The following SYT4 variants were observed in gnomAD, a reference collection of about 807,000 sequenced individuals.
SYT4 encodes the protein synaptotagmin 4.
In SYT4, 7 loss-of-function variants were observed where a neutral mutation model predicts 32.9. The ratio of observed to expected loss-of-function variants is 0.21; its 90% confidence interval spans 0.12 to 0.40. SYT4 has a LOEUF of 0.40. SYT4 is among the 10% of genes least tolerant of loss of function. The pLI, the probability that SYT4 is intolerant of heterozygous loss-of-function variation, is 1.00. For synonymous variants in SYT4, 205 were observed against 186.2 expected (o/e 1.10, Z -0.82); for missense variants, 480 against 488.0 (o/e 0.98, Z 0.16).
chr18:43,277,126 C>A, intron 1 of SYT4, 122 bp downstream of exon 1: 1 of 1,218,486 alleles, frequency 8.2e-7, no homozygotes, highest in South Asian at 1.5e-5. Context: ...TTCTCATTTT[C>A]CTTTTAAATT....
At chr18:43,276,500 T>G (rs1205890912) in intron 1 of SYT4, among the ~76,000 whole-genome samples, 2 of 152,180 alleles carry the variant, frequency 1.3e-5, no homozygotes, top group Non-Finnish European at 2.9e-5. Context: ...GTACGTCTAA[T>G]TTTATGTACT....
In SYT4 at chr18:43,274,434, A is replaced by G. The variant is rs201025139; in HGVS notation, c.35-40T>C. The G allele has an allele frequency of 2.8e-5, 42 of 1,489,560 alleles. No individual in the cohort carries two copies. The East Asian group carries it at 9.1e-4, about 32-fold the overall frequency. The allele number at this position is 1,489,560 out of a possible 1,614,324, so 92.3% of individuals were successfully genotyped here. A position where few individuals can be genotyped will look rare whatever the true frequency, so the allele number is the denominator to read the frequency against. ...GACCAATAATATACATTAAAGAAGC[A>G]GAGCTGGAGATATGAGCCTTTTGAA... On this transcript the variant is annotated intron_variant, in intron 1 of 3. Coordinates refer to ENST00000255224, the MANE Select transcript of SYT4 (RefSeq NM_020783.4).
rs1373125888 is a variant in SYT4, at chr18:43,274,755, TA to T, written c.35-362del. 5.3e-5 allele frequency among the ~76,000 whole-genome samples: 8 copies of T among 152,300 alleles called. No homozygotes were observed. The East Asian group carries it at 1.5e-3, about 29-fold the overall frequency. Reference sequence around the variant, plus strand: ...TATGATGGATCAGTACTAACTTCATTATTTTTTATTGTCATTTTGAGGCTTT... The same window carrying T: ...TATGATGGATCAGTACTAACTTCATTTTTTTTATTGTCATTTTGAGGCTTT... On this transcript the variant is annotated intron_variant, in intron 1 of 3. Transcript: ENST00000255224.
intron 3 of SYT4, 84 bp from the exon 4 acceptor site, chr18:43,270,732 G>A (rs1256721592): frequency 5.7e-5 from 82 of 1,441,242 alleles, no homozygotes; most frequent in Non-Finnish European, 7.5e-5. Flanking sequence ...TAGAGATCAT[G>A]GCATGCCAAT....
At chr18:43,276,102 G>T (rs1351365329) in intron 1 of SYT4, among the ~76,000 whole-genome samples, 1 of 152,064 alleles carries the variant, frequency 6.6e-6, no homozygotes, top group Non-Finnish European at 1.5e-5. Flanking sequence ...AATCATTCAG[G>T]TTTCAAATGA....
chr18:43,276,251 G>T (rs868760645), intron 1 of SYT4, among the ~76,000 whole-genome samples: 4 of 152,062 alleles, frequency 2.6e-5, no homozygotes, highest in African/African-American at 4.8e-5. Context: ...TTTCTATAAC[G>T]TGGAAACACT....
rs1908508596 is a variant in SYT4 at position 43,268,093 on chromosome 18, A to C, written c.*2248T>G. ...TATACCTCCCCATTTGGGTGGTGAG[A>C]TTGGCTAATCAGACAAACAATTAAT... On this transcript the variant is annotated 3_prime_UTR_variant, in exon 4 of 4. Transcript: ENST00000255224. 6.6e-6 allele frequency: 1 copy of C among 152,592 alleles called. No homozygotes were observed. Among genetic ancestry groups the C allele is most frequent in the Admixed American group, 6.5e-5 (1 of 15,268 alleles). The allele number at this position is 152,592 out of a possible 1,614,324, so 9.5% of individuals were successfully genotyped here.
chr18:43,270,708 G>A, intron 3 of SYT4, 60 bp from the exon 4 acceptor site: 1 of 1,563,598 alleles, frequency 6.4e-7, no homozygotes, highest in Admixed American at 1.7e-5. Flanking sequence ...CTGATATCAA[G>A]ATAACAGTGC....
chr18:43,276,687 T>C (rs187071551), intron 1 of SYT4, among the ~76,000 whole-genome samples: 17 of 152,274 alleles, frequency 1.1e-4, no homozygotes, highest in African/African-American at 4.1e-4. Flanking sequence ...TTTGAAACTC[T>C]CTTTAACCCT....
At chr18:43,272,384 C>T (rs1908657955) in intron 2 of SYT4, among the ~76,000 whole-genome samples, 1 of 152,132 alleles carries the variant, frequency 6.6e-6, no homozygotes, top group Non-Finnish European at 1.5e-5. Flanking sequence ...AGTTAAAATT[C>T]TCTGCCTCTT....
At chr18:43,277,132 A>T in intron 1 of SYT4, 116 bp downstream of exon 1, 1 of 1,282,006 alleles carries the variant, frequency 7.8e-7, no homozygotes, top group South Asian at 1.5e-5. Flanking sequence ...TTTTCCTTTT[A>T]AATTAACTAC....
rs868753719 is a variant in SYT4, at chr18:43,267,954, C to A, written c.*2387G>T. On this transcript the variant is annotated 3_prime_UTR_variant, in exon 4 of 4. Coordinates refer to ENST00000255224, the MANE Select transcript of SYT4 (RefSeq NM_020783.4). ...ATGGTCTTACAAACATCATACAGAG[C>A]TGGCACAAAAGAACAGACACTGTCT... 6.6e-6 allele frequency: 1 copy of A among 152,310 alleles called. No homozygotes were observed. The highest frequency in any genetic ancestry group is 2.1e-4 in the South Asian group (1 of 4,830). The allele number at this position is 152,310 out of a possible 1,614,324, so 9.4% of individuals were successfully genotyped here.
At chr18:43,274,932 C>T (rs1812855361) in intron 1 of SYT4, among the ~76,000 whole-genome samples, 1 of 151,962 alleles carries the variant, frequency 6.6e-6, no homozygotes, top group Non-Finnish European at 1.5e-5. Flanking sequence ...TAATTTTCAT[C>T]CCAATTATGG....
intron 3 of SYT4, 56 bp downstream of exon 3, chr18:43,271,656 C>T: frequency 6.3e-7 from 1 of 1,599,742 alleles, no homozygotes; most frequent in Non-Finnish European, 8.5e-7. Flanking sequence ...GGCTCATTTG[C>T]AGTCAAATAC....
intron 1 of SYT4, among the ~76,000 whole-genome samples, chr18:43,275,209 T>C (rs1007892812): frequency 3.3e-5 from 5 of 152,158 alleles, no homozygotes; most frequent in Non-Finnish European, 5.9e-5. Context: ...TATAACTGTC[T>C]CTTCCTCTAG....
intron 2 of SYT4, among the ~76,000 whole-genome samples, chr18:43,273,172 A>G (rs2144367023): frequency 6.6e-6 from 1 of 152,252 alleles, no homozygotes; most frequent in East Asian, 1.9e-4. Flanking sequence ...TTCAGGAAGA[A>G]TTGATTTAAT....
chr18:43,273,389 T>C (rs965499401), intron 2 of SYT4, among the ~76,000 whole-genome samples, 191 bp downstream of exon 2: 1 of 152,002 alleles, frequency 6.6e-6, no homozygotes, highest in African/African-American at 2.4e-5. Flanking sequence ...ACACTTTGAG[T>C]ATTTCAGTTA....
At chr18:43,273,398 T>A (rs750923277) in intron 2 of SYT4, among the ~76,000 whole-genome samples, 182 bp downstream of exon 2, 22 of 152,120 alleles carry the variant, frequency 1.4e-4, no homozygotes, top group Non-Finnish European at 2.8e-4. Flanking sequence ...GTATTTCAGT[T>A]ATGGATTAAA....
chr18:43,272,284 T>C (rs1908655303), intron 2 of SYT4: 1 of 152,368 alleles, frequency 6.6e-6, no homozygotes, highest in Admixed American at 6.5e-5. Context: ...TGATTTCAAA[T>C]TCTTTAGCAC....
Sources: gnomAD v4.1 joint callset for allele counts (sites outside exome capture counted in the v4.1 genomes callset) on GRCh38, gnomAD v4.1.1 for gene constraint, MANE v1.5 for transcripts, NCBI Gene and HGNC (gene_info 2026-07-23, HGNC 2026-07-21) for gene names.